The following SMLR1 variants were observed in gnomAD, a reference collection of about 807,000 sequenced individuals.
SMLR1 encodes small leucine-rich protein 1.
A neutral mutation model predicts 6.1 loss-of-function variants in SMLR1; 3 were observed. The ratio of observed to expected loss-of-function variants is 0.49; its 90% CI spans 0.22 to 1.28. The LOEUF (loss-of-function observed/expected upper bound fraction) is 1.28, where lower values mean the gene tolerates loss of function less well. SMLR1 is among the 50% of genes most tolerant of loss of function. The pLI is 0.19. For missense variants in SMLR1, 126 were observed against 124.8 expected (o/e 1.01, Z -0.05); for synonymous variants, 55 against 53.6 (o/e 1.03, Z -0.11).
At position 130,835,902 on chromosome 6, in the gene SMLR1, T is replaced by C. The variant is rs1339544022; in HGVS notation, c.*947T>C. 6.6e-6 allele frequency: 1 copy of C among 152,194 alleles called. No homozygotes were observed. The highest frequency in any genetic ancestry group is 1.5e-5 in the Non-Finnish European group (1 of 68,028). The allele number at this position is 152,194 out of a possible 1,614,324, so 9.4% of individuals were successfully genotyped here. On this transcript the variant is annotated 3_prime_UTR_variant, in exon 2 of 2. Coordinates refer to ENST00000541421, the MANE Select transcript of SMLR1 (RefSeq NM_001195597.2). ...TCAAAGATGTTCAATGCATTCTAAG[T>C]GTAAGACTGGTTACATTCCAATCTT...
rs1338795302 is a variant in SMLR1 at position 130,836,225 on chromosome 6, T to C, written c.*1270T>C. On this transcript the variant is annotated 3_prime_UTR_variant, in exon 2 of 2. Coordinates refer to ENST00000541421, the MANE Select transcript of SMLR1 (RefSeq NM_001195597.2). ...TGCATTTTACTGCACTTGATTACAA[T>C]GAAAATGTCTGCCGGGGTTTTCAGA... 1 of 152,224 alleles carries C rather than the reference T, an allele frequency of 6.6e-6. No homozygotes were observed. Among genetic ancestry groups the C allele is most frequent in the African/African-American group, 2.4e-5 (1 of 41,462 alleles). The allele number at this position is 152,224 out of a possible 1,614,324, so 9.4% of individuals were successfully genotyped here.
rs1362446526 is a variant in SMLR1 at position 130,836,687 on chromosome 6, G to A, written c.*1732G>A. 6.6e-6 allele frequency: 1 copy of A among 152,172 alleles called. No individual in the cohort carries two copies. Among genetic ancestry groups the A allele is most frequent in the Non-Finnish European group, 1.5e-5 (1 of 68,036 alleles). 9.4% of individuals were successfully genotyped at this position (152,172 alleles called of 1,614,324 possible). A position where few individuals can be genotyped will look rare whatever the true frequency, so the allele number is the denominator to read the frequency against. ...TATGAATGTTTTTTATATGTAGAGA[G>A]GGGCAGAAACATGTTCATTTTCCCA... On this transcript the variant is annotated 3_prime_UTR_variant, in exon 2 of 2. Coordinates refer to ENST00000541421, the MANE Select transcript of SMLR1 (RefSeq NM_001195597.2).
intron 1 of SMLR1, among the ~76,000 whole-genome samples, chr6:130,832,687 T>C (rs2236075): frequency 6.6e-6 from 1 of 151,896 alleles, no homozygotes; most frequent in Non-Finnish European, 1.5e-5. Flanking sequence ...TTGGGATAAT[T>C]AAGTACATTG....
chr6:130,828,598 A>G (rs1774349054), intron 1 of SMLR1, among the ~76,000 whole-genome samples: 1 of 152,232 alleles, frequency 6.6e-6, no homozygotes, highest in Non-Finnish European at 1.5e-5. Context: ...CAGAAGTGCA[A>G]TGAGGGATAT....
chr6:130,836,217 G>C lies in SMLR1; in HGVS notation c.*1262G>C, dbSNP rs982959014. The C allele has an allele frequency of 6.6e-6, 1 of 152,140 alleles. No individual in the cohort carries two copies. Among genetic ancestry groups the C allele is most frequent in the African/African-American group, 2.4e-5 (1 of 41,430 alleles). The allele number at this position is 152,140 out of a possible 1,614,324, so 9.4% of individuals were successfully genotyped here. On this transcript the variant is annotated 3_prime_UTR_variant, in exon 2 of 2. Transcript: ENST00000541421. ...CTCACTTCTGCATTTTACTGCACTT[G>C]ATTACAATGAAAATGTCTGCCGGGG...
rs1774315364 is a variant in SMLR1, at chr6:130,827,612, C to G, written c.199C>G (p.Leu67Val). 1.3e-6 allele frequency: 2 copies of G among 1,535,650 alleles called. No individual in the cohort carries two copies. The highest frequency in any genetic ancestry group is 2.0e-5 in the Admixed American group (1 of 50,978). Residue 67 changes from leucine to valine, a missense_variant, in exon 1 of 2, where the codon CTC becomes GTC. Leu to Val is a conservative substitution (Grantham distance 32). Transcript: ENST00000541421. ...CTTCCTCCCCGTGACTTTGCTGCTG[C>G]TCCTCCTCATCGCCTACTTCAGGAT... ...GVFLPVTLLL[L>V]LLIAYFRIKL... is the part of the protein sequence containing the mutation.
intron 1 of SMLR1, among the ~76,000 whole-genome samples, chr6:130,829,432 G>T (rs1201077464): frequency 6.6e-6 from 1 of 152,156 alleles, no homozygotes; most frequent in Non-Finnish European, 1.5e-5. Context: ...GAATACCCTG[G>T]AAAAGTCAAC....
At chr6:130,829,237 A>C (rs376605848) in intron 1 of SMLR1, among the ~76,000 whole-genome samples, 2 of 152,164 alleles carry the variant, frequency 1.3e-5, no homozygotes, top group Non-Finnish European at 2.9e-5. Context: ...CTTCACAGCT[A>C]TTACAGGCCA....
intron 1 of SMLR1, among the ~76,000 whole-genome samples, chr6:130,832,945 T>C (rs777824516): frequency 7.2e-5 from 11 of 152,168 alleles, no homozygotes; most frequent in Non-Finnish European, 1.5e-4. Context: ...GGGGTCATAA[T>C]AGTTATTGAT....
chr6:130,830,571 G>A (rs951503079), intron 1 of SMLR1, among the ~76,000 whole-genome samples: 8 of 152,180 alleles, frequency 5.3e-5, no homozygotes, highest in African/African-American at 1.7e-4. Context: ...GCATTTAAAC[G>A]AGAGCAACTC....
At chr6:130,833,741 G>C (rs1334527332) in intron 1 of SMLR1, among the ~76,000 whole-genome samples, 1 of 152,192 alleles carries the variant, frequency 6.6e-6, no homozygotes, top group African/African-American at 2.4e-5. Flanking sequence ...ACCTGGCACA[G>C]AGCAAGTGCA....
chr6:130,827,751 CAT>C (rs113795427), intron 1 of SMLR1, 100 bp downstream of exon 1: 3,437 of 701,210 alleles, frequency 4.9e-3, no homozygotes, highest in Non-Finnish European at 6.3e-3. Context: ...CCAGGAGAAA[CAT>C]ATATATATAT....
chr6:130,831,182 C>T (rs992436848), intron 1 of SMLR1, among the ~76,000 whole-genome samples: 2 of 152,078 alleles, frequency 1.3e-5, no homozygotes, highest in African/African-American at 2.4e-5. Flanking sequence ...CAAAGCAAAC[C>T]GGGTGAGAAA....
At chr6:130,834,400 T>C (rs1302805018) in intron 1 of SMLR1, among the ~76,000 whole-genome samples, 1 of 152,120 alleles carries the variant, frequency 6.6e-6, no homozygotes. Flanking sequence ...ACTGAAATTA[T>C]ATATTAAGGG....
intron 1 of SMLR1, among the ~76,000 whole-genome samples, chr6:130,829,486 A>G (rs1413754): frequency 0.37 from 56,568 of 152,090 alleles, 11,194 homozygotes; most frequent in East Asian, 0.65. Context: ...TGCAGGGGAA[A>G]TGCAGTCCAA....
chr6:130,829,053 A>C (rs1420135519), intron 1 of SMLR1, among the ~76,000 whole-genome samples: 1 of 152,188 alleles, frequency 6.6e-6, no homozygotes, highest in Non-Finnish European at 1.5e-5. Context: ...TCCCATTGAC[A>C]TTGAACGTCC....
At chr6:130,827,749 AAC>A in intron 1 of SMLR1, 98 bp downstream of exon 1, 1 of 820,666 alleles carries the variant, frequency 1.2e-6, no homozygotes. Context: ...GGCCAGGAGA[AAC>A]ATATATATAT....
At chr6:130,831,800 C>T (rs1343349473) in intron 1 of SMLR1, among the ~76,000 whole-genome samples, 1 of 152,194 alleles carries the variant, frequency 6.6e-6, no homozygotes, top group African/African-American at 2.4e-5. Flanking sequence ...AGAAAACCAG[C>T]TTGCCTGTCT....
intron 1 of SMLR1, among the ~76,000 whole-genome samples, chr6:130,833,651 C>A (rs560223093): frequency 1.3e-5 from 2 of 152,170 alleles, no homozygotes; most frequent in Non-Finnish European, 2.9e-5. Flanking sequence ...TGCTCATCAG[C>A]AATTTAATAA....
Sources: allele counts gnomAD v4.1 joint callset (sites outside exome capture counted in the v4.1 genomes callset), GRCh38; gene constraint gnomAD v4.1.1; transcripts MANE v1.5; gene names NCBI Gene and HGNC (gene_info 2026-07-23, HGNC 2026-07-21).